MEMO1: variants seen among roughly 807,000 people sequenced by gnomAD.
MEMO1 encodes the protein protein MEMO1.
In MEMO1, 6 loss-of-function variants were observed where a neutral mutation model predicts 45.2. The observed-to-expected ratio is 0.13, with a 90% CI of 0.07 to 0.26. The LOEUF (loss-of-function observed/expected upper bound fraction) is 0.26. Among genes scored for constraint, MEMO1 ranks in the 10% least tolerant of loss-of-function variants. The pLI is 1.00. For synonymous variants in MEMO1, 78 were observed against 124.3 expected (o/e 0.63, Z 2.48); for missense variants, 184 against 370.5 (o/e 0.50, Z 4.13).
chr2:31,943,545 G>A (rs759809937), intron 2 of MEMO1, among the ~76,000 whole-genome samples, 162 bp from the exon 3 acceptor site: 1 of 152,146 alleles, frequency 6.6e-6, no homozygotes, highest in Non-Finnish European at 1.5e-5. Flanking sequence ...CAACTACACA[G>A]TCTCTAACAA....
intron 3 of MEMO1, among the ~76,000 whole-genome samples, chr2:31,941,647 T>G (rs1366422644): frequency 6.6e-6 from 1 of 152,186 alleles, no homozygotes; most frequent in African/African-American, 2.4e-5. Context: ...TGCTGTAAGT[T>G]TTATAAAGAT....
intron 2 of MEMO1, among the ~76,000 whole-genome samples, chr2:31,977,105 T>C (rs1030185375): frequency 6.6e-6 from 1 of 151,746 alleles, no homozygotes; most frequent in African/African-American, 2.4e-5. Flanking sequence ...AAAGCAGAAA[T>C]AGAGAAGCAG....
intron 2 of MEMO1, among the ~76,000 whole-genome samples, chr2:31,984,478 A>T (rs1279442037): frequency 1.3e-5 from 2 of 152,294 alleles, no homozygotes; most frequent in East Asian, 3.9e-4. Context: ...CTCACTAAAC[A>T]CGATGTGGTA....
chr2:31,893,881 C>A (rs1677325021), intron 6 of MEMO1, among the ~76,000 whole-genome samples: 1 of 152,142 alleles, frequency 6.6e-6, no homozygotes, highest in South Asian at 2.1e-4. Flanking sequence ...AAAATTCTAT[C>A]CTCTGTAGAA....
chr2:32,007,489 G>T (rs866908122), intron 2 of MEMO1, among the ~76,000 whole-genome samples: 12 of 152,024 alleles, frequency 7.9e-5, no homozygotes, highest in Admixed American at 2.6e-4. Context: ...TATAACAAGG[G>T]ATAAACAAAA....
chr2:31,974,878 A>T (rs927985012), intron 2 of MEMO1, among the ~76,000 whole-genome samples: 62 of 151,888 alleles, frequency 4.1e-4, no homozygotes, highest in Admixed American at 7.2e-4. Flanking sequence ...ATGAAAATTT[A>T]AAAAAAAATT....
chr2:31,958,088 AG>A (rs1422992660), intron 2 of MEMO1, among the ~76,000 whole-genome samples: 3 of 152,132 alleles, frequency 2.0e-5, no homozygotes, highest in African/African-American at 7.2e-5. Context: ...TCAGATGTGC[AG>A]GGGAATAAAA....
chr2:31,988,921 G>A (rs1053254815), intron 2 of MEMO1, among the ~76,000 whole-genome samples: 3 of 151,812 alleles, frequency 2.0e-5, no homozygotes, highest in Non-Finnish European at 2.9e-5. Flanking sequence ...AATGAATAGT[G>A]GGCAGCCAGG....
intron 2 of MEMO1, chr2:31,963,167 C>A: frequency 6.5e-7 from 1 of 1,538,844 alleles, no homozygotes; most frequent in Non-Finnish European, 8.8e-7. Flanking sequence ...AAAGTGAAAC[C>A]GCACCGTCAG....
At chr2:31,930,470 C>G (rs1664009388) in intron 4 of MEMO1, among the ~76,000 whole-genome samples, 1 of 152,076 alleles carries the variant, frequency 6.6e-6, no homozygotes, top group African/African-American at 2.4e-5. Flanking sequence ...TCTATCTATA[C>G]CCCTCTACAA....
chr2:31,958,343 G>A (rs1427063701), intron 2 of MEMO1, among the ~76,000 whole-genome samples: 3 of 151,514 alleles, frequency 2.0e-5, no homozygotes, highest in South Asian at 2.1e-4. Context: ...ACTGCCTGAC[G>A]CTGAAGCAGA....
chr2:31,885,746 G>A (rs1348022993), intron 7 of MEMO1, among the ~76,000 whole-genome samples: 1 of 152,056 alleles, frequency 6.6e-6, no homozygotes, highest in Non-Finnish European at 1.5e-5. Flanking sequence ...GTTAGTTTTG[G>A]CTACTATCAG....
intron 4 of MEMO1, among the ~76,000 whole-genome samples, chr2:31,928,015 T>G (rs755157029): frequency 1.3e-5 from 2 of 152,264 alleles, no homozygotes; most frequent in Non-Finnish European, 2.9e-5. Flanking sequence ...TATTAATCAC[T>G]GTGTCTCTAG....
chr2:31,998,327 T>C (rs1672850075), intron 2 of MEMO1, among the ~76,000 whole-genome samples: 1 of 152,148 alleles, frequency 6.6e-6, no homozygotes, highest in Admixed American at 6.5e-5. Context: ...GTATTTTCTT[T>C]ACTTGGTTCC....
At chr2:31,992,294 A>G (rs1672038827) in intron 2 of MEMO1, among the ~76,000 whole-genome samples, 1 of 152,222 alleles carries the variant, frequency 6.6e-6, no homozygotes, top group African/African-American at 2.4e-5. Context: ...CATATTAACT[A>G]TAGCTGCTTT....
chr2:31,969,594 T>G (rs867910290), intron 2 of MEMO1, among the ~76,000 whole-genome samples: 6,043 of 103,496 alleles, frequency 0.058, 174 homozygotes, highest in Middle Eastern at 0.15. Context: ...TGGGTGTGTG[T>G]GTGTGTGTGT....
At chr2:31,868,935 T>C (rs545434373) in intron 9 of MEMO1, among the ~76,000 whole-genome samples, 134 of 152,338 alleles carry the variant, frequency 8.8e-4, no homozygotes, top group African/African-American at 2.8e-3. Flanking sequence ...TAATTGTCGA[T>C]TGGTTCAGCA....
chr2:31,938,567 G>A (rs1665211879), intron 3 of MEMO1, among the ~76,000 whole-genome samples: 3 of 151,882 alleles, frequency 2.0e-5, no homozygotes, highest in African/African-American at 7.3e-5. Flanking sequence ...AGAATGGCGT[G>A]AACCCGGCAG....
At chr2:31,933,352 T>TAAAAAAAAAAAAAAAAAA (rs1558514359) in intron 3 of MEMO1, among the ~76,000 whole-genome samples, 1 of 12,218 alleles carries the variant, frequency 8.2e-5, no homozygotes, top group Non-Finnish European at 1.3e-4. Context: ...AAAAAAAATT[T>TAAAAAAAAAAAAAAAAAA]ATATATATAT....
Sources: gnomAD v4.1 joint callset for allele counts (sites outside exome capture counted in the v4.1 genomes callset) on GRCh38, gnomAD v4.1.1 for gene constraint, MANE v1.5 for transcripts, NCBI Gene and HGNC (gene_info 2026-07-23, HGNC 2026-07-21) for gene names.